RANBP3: variants seen among roughly 807,000 people sequenced by gnomAD.
RANBP3 encodes ran-binding protein 3.
In RANBP3, 14 loss-of-function variants were observed where a neutral mutation model predicts 77.3. The observed-to-expected ratio is 0.18, with a 90% CI of 0.12 to 0.28. The LOEUF (loss-of-function observed/expected upper bound fraction) is 0.28. Ranked by LOEUF, RANBP3 falls within the 10% of genes least tolerant of loss-of-function variation. RANBP3 has a pLI of 1.00. For synonymous variants in RANBP3, 315 were observed against 312.4 expected, an observed-to-expected ratio of 1.01 and a Z score of -0.09; for missense variants, 586 against 752.3, an observed-to-expected ratio of 0.78 and a Z score of 2.59.
intron 9 of RANBP3, among the ~76,000 whole-genome samples, chr19:5,927,642 G>A (rs542125660): frequency 3.3e-5 from 5 of 152,338 alleles, no homozygotes; most frequent in African/African-American, 4.8e-5. Context: ...ACACTGGACC[G>A]TGCTGTCTTT....
chr19:5,953,528 T>C (rs1212987573), intron 2 of RANBP3, among the ~76,000 whole-genome samples: 1 of 152,222 alleles, frequency 6.6e-6, no homozygotes, highest in Non-Finnish European at 1.5e-5. Flanking sequence ...TTTTACCAAA[T>C]GGCCATTATT....
chr19:5,948,929 T>C (rs1384669511), intron 3 of RANBP3, among the ~76,000 whole-genome samples: 1 of 152,206 alleles, frequency 6.6e-6, no homozygotes, highest in African/African-American at 2.4e-5. Context: ...GGGATGTGGT[T>C]TGGTCTTCTT....
intron 5 of RANBP3, among the ~76,000 whole-genome samples, chr19:5,940,511 C>T (rs1265082998): frequency 1.3e-5 from 2 of 152,182 alleles, no homozygotes; most frequent in Admixed American, 6.5e-5. Context: ...TGCAAAAAGA[C>T]GCGGCCATGT....
chr19:5,962,711 C>T (rs1371523672), intron 1 of RANBP3: 3 of 455,926 alleles, frequency 6.6e-6, no homozygotes, highest in Non-Finnish European at 1.3e-5. Context: ...CACATCTGCA[C>T]CCAAAACACA....
chr19:5,976,359 T>C (rs1395912238), intron 1 of RANBP3: 4 of 152,194 alleles, frequency 2.6e-5, no homozygotes, highest in African/African-American at 9.7e-5. Context: ...ACATAAAATA[T>C]GTCATACTGA....
chr19:5,944,439 C>G (rs1258093687), intron 3 of RANBP3, among the ~76,000 whole-genome samples: 3 of 152,212 alleles, frequency 2.0e-5, no homozygotes, highest in Non-Finnish European at 4.4e-5. Context: ...GCAAAGGTGA[C>G]AGAAGTACAG....
At chr19:5,957,060 G>A (rs1315669048) in intron 2 of RANBP3, among the ~76,000 whole-genome samples, 2 of 151,474 alleles carry the variant, frequency 1.3e-5, no homozygotes, top group South Asian at 2.1e-4. Flanking sequence ...CTGTTGCAGC[G>A]GGTATGAGGT....
intron 1 of RANBP3, among the ~76,000 whole-genome samples, chr19:5,962,862 C>T (rs879845829): frequency 1.1e-4 from 17 of 152,182 alleles, no homozygotes; most frequent in Non-Finnish European, 2.4e-4. Flanking sequence ...ACCAGACACA[C>T]GGGTTGCTGT....
intron 12 of RANBP3, 79 bp from the exon 13 acceptor site, chr19:5,923,382 A>G: frequency 6.9e-7 from 1 of 1,446,608 alleles, no homozygotes; most frequent in South Asian, 1.2e-5. Context: ...ACAGGAGATG[A>G]GAGGGTTGGT....
At chr19:5,945,526 G>A (rs373088443) in intron 3 of RANBP3, among the ~76,000 whole-genome samples, 1 of 152,124 alleles carries the variant, frequency 6.6e-6, no homozygotes, top group African/African-American at 2.4e-5. Flanking sequence ...CCACTGTTTG[G>A]GTGGGGTGAC....
At chr19:5,937,335 G>C (rs1481295071) in intron 5 of RANBP3, among the ~76,000 whole-genome samples, 1 of 152,144 alleles carries the variant, frequency 6.6e-6, no homozygotes, top group African/African-American at 2.4e-5. Context: ...CATGGCTTCT[G>C]TGACATTCTC....
chr19:5,975,742 G>A (rs1383318138), intron 1 of RANBP3, among the ~76,000 whole-genome samples: 1 of 150,440 alleles, frequency 6.6e-6, no homozygotes, highest in Admixed American at 6.7e-5. Flanking sequence ...TAGGTGGCCA[G>A]AGAAGCTCTC....
Position 5,918,505 on chromosome 19 carries a change from G to A in RANBP3, c.1464C>T (p.Phe488=). The A allele has an allele frequency of 1.9e-6, 3 of 1,611,794 alleles. No individual in the cohort carries two copies. The highest frequency in any genetic ancestry group is 2.2e-5 in the East Asian group (1 of 44,806). ...CGCGTGGCTGGCTCACCGAGATCAG[G>A]AAGACCTTCACGCCCTGGTCCTCGG... ...MDTEDQGVKV[F]LISASSKDTG... Residue 488 remains phenylalanine (F), a synonymous_variant, in exon 15 of 17, where the codon TTC becomes TTT. Coordinates refer to ENST00000340578, the MANE Select transcript of RANBP3 (RefSeq NM_007322.3).
At chr19:5,933,674 C>A (rs945656689) in intron 5 of RANBP3, 195 bp from the exon 6 acceptor site, 16 of 531,698 alleles carry the variant, frequency 3.0e-5, no homozygotes, top group Non-Finnish European at 4.7e-5. Flanking sequence ...AGGGGAGAGA[C>A]AAGGGCAGGA....
rs2058005488 is a variant in RANBP3 at position 5,932,436 on chromosome 19, GGCT to G, written c.565+13_565+15del. 6 of 1,610,920 alleles carry G rather than the reference GGCT, an allele frequency of 3.7e-6. No individual in the cohort carries two copies. The highest frequency in any genetic ancestry group is 3.3e-5 in the South Asian group (3 of 90,978). On this transcript the variant is annotated intron_variant, in intron 7 of 16. Transcript: ENST00000340578. ...CCTGCCGTCTGGGCCTGGGCGCCAG[GGCT>G]GCTGTTTCTTACCAGTCTGGGACAG...
chr19:5,916,151 G>A lies in RANBP3; in HGVS notation c.*1459C>T, dbSNP rs886869319. 6.6e-6 allele frequency: 1 copy of A among 152,196 alleles called. No homozygotes were observed. The highest frequency in any genetic ancestry group is 1.5e-5 in the Non-Finnish European group (1 of 68,044). 9.4% of individuals were successfully genotyped at this position (152,196 alleles called of 1,614,324 possible). A position where few individuals can be genotyped will look rare whatever the true frequency, so the allele number is the denominator to read the frequency against. ...GCAGAGGCCAGGGTTTTAGTTAAAA[G>A]TTTAATGTAGTTCCCAAATACATTT... On this transcript the variant is annotated 3_prime_UTR_variant, in exon 17 of 17. Transcript: ENST00000340578.
intron 3 of RANBP3, among the ~76,000 whole-genome samples, chr19:5,942,233 G>C (rs1311918545): frequency 6.6e-6 from 1 of 152,136 alleles, no homozygotes; most frequent in Non-Finnish European, 1.5e-5. Context: ...GTGTAAAATG[G>C]TCACATCACA....
chr19:5,921,048 T>C lies in RANBP3; in HGVS notation c.1330+153A>G. 1.1e-6 allele frequency: 1 copy of C among 937,300 alleles called. No individual in the cohort carries two copies. Among genetic ancestry groups the C allele is most frequent in the Non-Finnish European group, 1.5e-6 (1 of 670,212 alleles). 58.1% of individuals were successfully genotyped at this position (937,300 alleles called of 1,614,324 possible). A position where few individuals can be genotyped will look rare whatever the true frequency, so the allele number is the denominator to read the frequency against. ...TTGAGGGCTGGGTGCAGGGAGGGGG[T>C]TTGGGGGGCGGCTCTCATGGGAGAC... On this transcript the variant is annotated intron_variant, in intron 14 of 16. Coordinates refer to ENST00000340578, the MANE Select transcript of RANBP3 (RefSeq NM_007322.3). This position sits in a 1 kb window ranked among gnomAD's most constrained non-coding sequence, Gnocchi z 5.3.
intron 1 of RANBP3, among the ~76,000 whole-genome samples, chr19:5,964,922 C>G (rs1224754270): frequency 6.7e-6 from 1 of 149,004 alleles, no homozygotes; most frequent in Non-Finnish European, 1.5e-5. Context: ...CACATTTATA[C>G]CTGCATGTGT....
Sources: allele counts gnomAD v4.1 joint callset (sites outside exome capture counted in the v4.1 genomes callset), GRCh38; gene constraint gnomAD v4.1.1; non-coding constraint Gnocchi (gnomAD v3.1); transcripts MANE v1.5; gene names NCBI Gene and HGNC (gene_info 2026-07-23, HGNC 2026-07-21).